The following ALDH1A3 variants were observed in gnomAD, a reference collection of about 807,000 sequenced individuals.
ALDH1A3 encodes the protein aldehyde dehydrogenase 1 family member A3.
ALDH1A3 carries 28 observed loss-of-function variants against 57.5 expected under a neutral mutation model. That is an observed-to-expected ratio of 0.49 (90% CI 0.36 to 0.67). The LOEUF (loss-of-function observed/expected upper bound fraction) is 0.67, where lower values mean the gene tolerates loss of function less well. ALDH1A3 is among the 30% of genes least tolerant of loss of function. The pLI, the probability that ALDH1A3 is intolerant of heterozygous loss-of-function variation, is 0.00. For missense variants in ALDH1A3, 507 were observed against 669.4 expected (o/e 0.76, Z 2.68); for synonymous variants, 281 against 264.8 (o/e 1.06, Z -0.59).
chr15:100,883,332 T>C (rs1156630870), intron 1 of ALDH1A3, among the ~76,000 whole-genome samples: 1 of 152,254 alleles, frequency 6.6e-6, no homozygotes, highest in Non-Finnish European at 1.5e-5. Context: ...AATTTCTCGC[T>C]GTTACCAAGT....
Position 100,914,924 on chromosome 15 carries a change from C to T in ALDH1A3, c.*151C>T. 1 of 700,646 alleles carries T rather than the reference C, an allele frequency of 1.4e-6. No homozygotes were observed. 43.4% of individuals were successfully genotyped at this position (700,646 alleles called of 1,614,324 possible). ...GGAGTTGAATGATTGCTGTTTTCCT[C>T]TCACTCTCCTGTTTATTCACCAGAC... is the stretch of plus-strand genomic sequence containing the variant. On this transcript the variant is annotated 3_prime_UTR_variant, in exon 13 of 13. Transcript: ENST00000329841.
chr15:100,895,836 T>TGG, intron 6 of ALDH1A3, 97 bp from the exon 7 acceptor site: 1 of 1,069,884 alleles, frequency 9.3e-7, no homozygotes, highest in Non-Finnish European at 1.4e-6. Context: ...GGGTTCCCTG[T>TGG]GGGGATGTGA....
In ALDH1A3 at chr15:100,894,081, A is replaced by G. The variant is rs774076435; in HGVS notation, c.665A>G (p.Glu222Gly). The G allele has an allele frequency of 1.2e-6, 2 of 1,613,670 alleles. No homozygotes were observed. The highest frequency in any genetic ancestry group is 2.7e-5 in the African/African-American group (2 of 74,882). ...CTTTATCTCGGCTCTCTGATCAAAGAGGTGAGACATCCAAAAAGAAAATAT... is the reference window on the plus strand; with the variant it reads ...CTTTATCTCGGCTCTCTGATCAAAGGGGTGAGACATCCAAAAAGAAAATAT... ...TALYLGSLIKEAGFPPGVVNI... is the reference protein window; with the variant it reads ...TALYLGSLIKGAGFPPGVVNI... Residue 222 changes from glutamate to glycine, a missense_variant and splice_region_variant, in exon 6 of 13, where the codon GAG becomes GGG. Around this residue, in one of 2 missense-constraint regions of ALDH1A3, gnomAD observed 432 missense variants for 608.4 expected, o/e 0.71. Transcript: ENST00000329841. The surrounding 1 kb of genome is among the most constrained non-coding windows in gnomAD (Gnocchi z 4.5).
chr15:100,892,326 A>T, intron 3 of ALDH1A3, 184 bp from the exon 4 acceptor site: 1 of 737,012 alleles, frequency 1.4e-6, no homozygotes, highest in Non-Finnish European at 2.1e-6. Flanking sequence ...AGCAATCCTC[A>T]CACTCAGAGA....
chr15:100,898,542 A>G (rs1226190576), intron 8 of ALDH1A3, among the ~76,000 whole-genome samples: 1 of 152,104 alleles, frequency 6.6e-6, no homozygotes, highest in African/African-American at 2.4e-5. Context: ...CCCTGGGAGG[A>G]GTGGGGAGGG....
At chr15:100,892,233 C>G (rs1315072263) in intron 3 of ALDH1A3, 2 of 394,678 alleles carry the variant, frequency 5.1e-6, no homozygotes, top group Non-Finnish European at 9.0e-6. Context: ...ATCCGCCTGG[C>G]CTCCAAGGGG....
In ALDH1A3 at chr15:100,900,677, A is replaced by C; in HGVS notation, c.986A>C (p.Glu329Ala). The C allele has an allele frequency of 6.2e-7, 1 of 1,613,890 alleles. No individual in the cohort carries two copies. The highest frequency in any genetic ancestry group is 8.5e-7 in the Non-Finnish European group (1 of 1,179,934). The change falls in exon 9 of 13, where the codon GAG (glutamate) becomes GCG (alanine). Residue 329 changes from glutamate (E) to alanine (A), a missense_variant. This residue lies in a region of ALDH1A3 where 432 missense variants were observed against 608.4 expected (regional missense o/e 0.71). Transcript: ENST00000329841. ...RVFVEEQVYS[E>A]FVRRSVEYAK... is the part of the protein sequence containing the mutation. Reference sequence around the variant, plus strand: ...TTCGTGGAGGAGCAGGTCTACTCTGAGTTTGTCAGGCGGAGCGTGGAGTAT... The same window carrying C: ...TTCGTGGAGGAGCAGGTCTACTCTGCGTTTGTCAGGCGGAGCGTGGAGTAT...
chr15:100,905,962 G>C (rs1020710662), intron 10 of ALDH1A3, among the ~76,000 whole-genome samples: 2 of 152,142 alleles, frequency 1.3e-5, no homozygotes, highest in African/African-American at 2.4e-5. Context: ...CCCTCTCTGG[G>C]AGCAGCAAGC....
At chr15:100,885,745 GA>G in intron 2 of ALDH1A3, among the ~76,000 whole-genome samples, 1 of 150,512 alleles carries the variant, frequency 6.6e-6, no homozygotes, top group East Asian at 1.9e-4. Flanking sequence ...TTCACGAAAT[GA>G]AGCTTTCTGG....
intron 3 of ALDH1A3, among the ~76,000 whole-genome samples, chr15:100,891,230 GTTA>G (rs1301479847): frequency 6.6e-6 from 1 of 152,198 alleles, no homozygotes; most frequent in Non-Finnish European, 1.5e-5. Flanking sequence ...GGTAGGAACC[GTTA>G]TTATTCTTAT....
At chr15:100,903,448 C>T (rs2041791494) in intron 9 of ALDH1A3, among the ~76,000 whole-genome samples, 1 of 152,204 alleles carries the variant, frequency 6.6e-6, no homozygotes. Flanking sequence ...ATTTCAGTAA[C>T]ATCTTCTGAT....
chr15:100,908,577 C>A, intron 12 of ALDH1A3, 95 bp downstream of exon 12: 1 of 1,167,586 alleles, frequency 8.6e-7, no homozygotes, highest in Non-Finnish European at 1.3e-6. Context: ...GCTGACACCC[C>A]GTCCCCCCCA....
intron 8 of ALDH1A3, among the ~76,000 whole-genome samples, chr15:100,899,359 A>G (rs868808223): frequency 6.6e-6 from 1 of 152,164 alleles, no homozygotes; most frequent in African/African-American, 2.4e-5. Flanking sequence ...CCGTATCTGG[A>G]TACGCCACCT....
intron 12 of ALDH1A3, among the ~76,000 whole-genome samples, chr15:100,910,431 C>T (rs567895026): frequency 1.3e-5 from 2 of 152,362 alleles, no homozygotes; most frequent in East Asian, 1.9e-4. Context: ...GGCCCTCCAA[C>T]AGCAACAGTA....
At chr15:100,914,172 T>G (rs2041908594) in intron 12 of ALDH1A3, 1 of 153,722 alleles carries the variant, frequency 6.5e-6, no homozygotes, top group Non-Finnish European at 1.4e-5. Flanking sequence ...GGTCCCCAGC[T>G]GTGCACTCTG....
At chr15:100,882,013 TA>T (rs1422801952) in intron 1 of ALDH1A3, among the ~76,000 whole-genome samples, 1 of 152,020 alleles carries the variant, frequency 6.6e-6, no homozygotes, top group Non-Finnish European at 1.5e-5. Flanking sequence ...AGGAGCGGGA[TA>T]AACTGAAGTG....
At chr15:100,900,822 T>A in intron 9 of ALDH1A3, 63 bp downstream of exon 9, 1 of 1,558,238 alleles carries the variant, frequency 6.4e-7, no homozygotes, top group Non-Finnish European at 8.7e-7. Flanking sequence ...GGCAGTCCCA[T>A]GGCAACCGCC....
intron 12 of ALDH1A3, among the ~76,000 whole-genome samples, chr15:100,910,401 G>T (rs2041871254): frequency 6.6e-6 from 1 of 152,246 alleles, no homozygotes; most frequent in Non-Finnish European, 1.5e-5. Context: ...CAGGGCTGGG[G>T]TCACCAGGGT....
In ALDH1A3 at chr15:100,895,449, CA is replaced by C. The variant is rs796542093; in HGVS notation, c.667-470del. The C allele has an allele frequency of 8.5e-3, 1,114 of 131,636 alleles. 1 individual carries two copies. The highest frequency in any genetic ancestry group is 0.018 in the South Asian group (77 of 4,248). The allele number at this position is 131,636 out of a possible 1,614,324, so 8.2% of individuals were successfully genotyped here. A position where few individuals can be genotyped will look rare whatever the true frequency, so the allele number is the denominator to read the frequency against. The stretch of plus-strand genomic sequence containing the variant: ...AGGGCGACAGAGCAAGACTCCATCT[CA>C]AAAAAAAAAAAAAGAAGAAAAAACA... On this transcript the variant is annotated intron_variant, in intron 6 of 12. Transcript: ENST00000329841.
Sources: gnomAD v4.1 joint callset for allele counts (sites outside exome capture counted in the v4.1 genomes callset) on GRCh38, gnomAD v4.1.1 for gene constraint, gnomAD v4.1.1 regional missense constraint, Gnocchi (gnomAD v3.1) non-coding constraint, MANE v1.5 for transcripts, NCBI Gene and HGNC (gene_info 2026-07-23, HGNC 2026-07-21) for gene names.